The following DYNC2LI1 variants were observed in gnomAD, a reference collection of about 807,000 sequenced individuals.
The protein encoded by DYNC2LI1 is dynein cytoplasmic 2 light intermediate chain 1.
A neutral mutation model predicts 51.9 loss-of-function variants in DYNC2LI1; 45 were observed. The observed-to-expected ratio is 0.87, with a 90% CI of 0.68 to 1.11. DYNC2LI1 has a LOEUF of 1.11. Among genes scored for constraint, DYNC2LI1 ranks in the 50% most tolerant of loss-of-function variants. The probability of loss-of-function intolerance (pLI) is 0.00; values close to 1 mark genes in which losing one functional copy is unlikely to be tolerated. For synonymous variants in DYNC2LI1, 130 were observed against 137.8 expected (o/e 0.94, Z 0.40); for missense variants, 490 against 417.4 (o/e 1.17, Z -1.51).
chr2:43,827,793 T>C, the DYNC2LI1 span, among the ~76,000 whole-genome samples: 1 of 152,142 alleles, frequency 6.6e-6, no homozygotes, highest in African/African-American at 2.4e-5. Context: ...GTTTGGATGA[T>C]GGAATCGCAT....
chr2:43,774,255 A>ACCC, intron 1 of DYNC2LI1, 109 bp downstream of exon 1: 3 of 1,442,366 alleles, frequency 2.1e-6, no homozygotes, highest in Non-Finnish European at 2.9e-6. Flanking sequence ...GCTACTTGCC[A>ACCC]CCAGGATATG....
chr2:43,806,057 C>A (rs997339387), intron 12 of DYNC2LI1, among the ~76,000 whole-genome samples: 4 of 151,608 alleles, frequency 2.6e-5, no homozygotes, highest in Middle Eastern at 3.4e-3. Flanking sequence ...ATTTTTTTTG[C>A]TTTTTTAGTA....
At chr2:43,783,706 G>T in intron 3 of DYNC2LI1, 152 bp downstream of exon 3, 1 of 492,418 alleles carries the variant, frequency 2.0e-6, no homozygotes, top group Non-Finnish European at 3.5e-6. Context: ...CTTTAAGAGC[G>T]CCTTTAAATA....
chr2:43,794,765 C>G, intron 6 of DYNC2LI1, 122 bp downstream of exon 6: 1 of 1,550,772 alleles, frequency 6.4e-7, no homozygotes, highest in Non-Finnish European at 8.7e-7. Context: ...GTAGATGAAC[C>G]TGTTCACTGG....
the DYNC2LI1 span, chr2:43,824,434 T>TA: frequency 7.1e-4 from 1,144 of 1,613,636 alleles, 32 homozygotes; most frequent in East Asian, 0.025. Context: ...TCAGGTCCAC[T>TA]AAAAGTTTTT....
At chr2:43,824,518 C>A in the DYNC2LI1 span, 2 of 1,595,632 alleles carry the variant, frequency 1.3e-6, no homozygotes, top group Non-Finnish European at 1.7e-6. Context: ...GGAGTACTGG[C>A]CATAATACCT....
downstream of DYNC2LI1, chr2:43,813,135 T>A: frequency 7.6e-7 from 1 of 1,308,908 alleles, no homozygotes; most frequent in South Asian, 1.2e-5. Flanking sequence ...AATGAGATGA[T>A]CCCTTATTTT....
At chr2:43,798,804 T>C (rs1240585688) in intron 8 of DYNC2LI1, among the ~76,000 whole-genome samples, 2 of 152,224 alleles carry the variant, frequency 1.3e-5, no homozygotes, top group African/African-American at 2.4e-5. Flanking sequence ...AGGAAGAATG[T>C]AGCCAAAGTG....
chr2:43,815,633 G>A, the DYNC2LI1 span, among the ~76,000 whole-genome samples: 1 of 152,138 alleles, frequency 6.6e-6, no homozygotes, highest in Non-Finnish European at 1.5e-5. Context: ...GGAAGAGGAT[G>A]GAAATTCTAG....
intron 4 of DYNC2LI1, among the ~76,000 whole-genome samples, chr2:43,788,858 T>C (rs1486751779): frequency 6.6e-6 from 1 of 152,224 alleles, no homozygotes; most frequent in Non-Finnish European, 1.5e-5. Context: ...GACCTTGAAC[T>C]CCTGGCTTCA....
chr2:43,817,910 AAAAC>A, the DYNC2LI1 span, among the ~76,000 whole-genome samples: 200 of 152,158 alleles, frequency 1.3e-3, no homozygotes, highest in Admixed American at 3.6e-3. Context: ...ATTCCCTCTC[AAAAC>A]AAACAAACAA....
At chr2:43,826,603 C>A in the DYNC2LI1 span, 12 of 1,596,112 alleles carry the variant, frequency 7.5e-6, no homozygotes, top group Admixed American at 2.0e-4. Context: ...TGAACTGTTC[C>A]TTATTGAGTT....
At chr2:43,824,378 T>G in the DYNC2LI1 span, 1 of 1,614,194 alleles carries the variant, frequency 6.2e-7, no homozygotes, top group South Asian at 1.1e-5. Flanking sequence ...CTGGACTCTC[T>G]TGGAGGTTTC....
chr2:43,800,798 T>C, intron 8 of DYNC2LI1, 43 bp from the exon 9 acceptor site: 1 of 1,107,172 alleles, frequency 9.0e-7, no homozygotes, highest in East Asian at 2.6e-5. Context: ...TTTCTGTGAT[T>C]GGAAAATAGA....
intron 4 of DYNC2LI1, among the ~76,000 whole-genome samples, chr2:43,788,213 C>T (rs190576588): frequency 2.8e-4 from 42 of 152,174 alleles, no homozygotes; most frequent in African/African-American, 9.9e-4. Flanking sequence ...GGAGATTTTC[C>T]AGGGAAGAAT....
At chr2:43,794,395 A>G (rs1279013100) in intron 5 of DYNC2LI1, 62 bp from the exon 6 acceptor site, 1 of 1,475,652 alleles carries the variant, frequency 6.8e-7, no homozygotes, top group Non-Finnish European at 9.1e-7. Context: ...ATTTCAGTAC[A>G]TTAGGATTTC....
At chr2:43,797,340 T>A (rs982556036) in intron 8 of DYNC2LI1, among the ~76,000 whole-genome samples, 1 of 152,080 alleles carries the variant, frequency 6.6e-6, no homozygotes, top group African/African-American at 2.4e-5. Flanking sequence ...AAACAGTACC[T>A]TCTTCATAGG....
intron 3 of DYNC2LI1, among the ~76,000 whole-genome samples, chr2:43,784,380 A>G (rs1025516024): frequency 1.3e-5 from 2 of 152,020 alleles, no homozygotes; most frequent in African/African-American, 2.4e-5. Flanking sequence ...CTAATACAAC[A>G]CCAGCTTAGG....
intron 4 of DYNC2LI1, among the ~76,000 whole-genome samples, chr2:43,789,030 T>G (rs2104684028): frequency 6.6e-6 from 1 of 152,330 alleles, no homozygotes; most frequent in South Asian, 2.1e-4. Context: ...TTGTTTGAAC[T>G]CTTGTTCCCC....
Sources: gnomAD v4.1 joint callset for allele counts (sites outside exome capture counted in the v4.1 genomes callset) on GRCh38, gnomAD v4.1.1 for gene constraint, MANE v1.5 for transcripts, NCBI Gene and HGNC (gene_info 2026-07-23, HGNC 2026-07-21) for gene names.